Variants in LUZP2 observed in about 807,000 individuals in gnomAD.
LUZP2 encodes the protein leucine zipper protein 2.
Under a neutral mutation model 51.6 loss-of-function variants are expected in LUZP2, and 52 were observed. The observed-to-expected ratio is 1.01, with a 90% CI of 0.81 to 1.27. The LOEUF (loss-of-function observed/expected upper bound fraction) is 1.27. Ranked by LOEUF, LUZP2 falls within the 50% of genes most tolerant of loss-of-function variation. LUZP2 has a pLI of 0.00. For synonymous variants in LUZP2, 154 were observed against 137.3 expected (o/e 1.12, Z -0.85); for missense variants, 436 against 395.4 (o/e 1.10, Z -0.87).
intron 5 of LUZP2, among the ~76,000 whole-genome samples, chr11:24,803,559 C>T (rs768711047): frequency 6.6e-6 from 1 of 151,908 alleles, no homozygotes; most frequent in Non-Finnish European, 1.5e-5. Context: ...TTCACAGCAG[C>T]TAAAATGGGA....
intron 1 of LUZP2, among the ~76,000 whole-genome samples, chr11:24,527,561 T>TCA (rs1292437242): frequency 1.6e-5 from 2 of 122,486 alleles, no homozygotes; most frequent in African/African-American, 6.8e-5. Flanking sequence ...TCTCTCTCTC[T>TCA]CTCTCTCACA....
chr11:25,072,398 A>G (rs961212691), intron 10 of LUZP2, among the ~76,000 whole-genome samples: 4 of 152,118 alleles, frequency 2.6e-5, no homozygotes, highest in African/African-American at 9.7e-5. Context: ...TTGTGGAATG[A>G]ATGATTAAAG....
At chr11:24,675,658 T>C (rs1330010350) in intron 1 of LUZP2, among the ~76,000 whole-genome samples, 1 of 152,040 alleles carries the variant, frequency 6.6e-6, no homozygotes, top group East Asian at 1.9e-4. Context: ...TGAACATCAG[T>C]GGTAACAATA....
chr11:24,504,171 T>A (rs532400447), intron 1 of LUZP2, among the ~76,000 whole-genome samples: 1 of 152,236 alleles, frequency 6.6e-6, no homozygotes, highest in Non-Finnish European at 1.5e-5. Context: ...ATTGAAAGTA[T>A]TTCCTGTAAC....
At chr11:25,049,982 T>G (rs1858440759) in intron 9 of LUZP2, 56 bp from the exon 10 acceptor site, 1 of 992,484 alleles carries the variant, frequency 1.0e-6, no homozygotes, top group Non-Finnish European at 1.5e-6. Context: ...TTGTTCAAAC[T>G]ATTTCTCTTG....
At chr11:24,998,475 C>T (rs975902770) in intron 9 of LUZP2, among the ~76,000 whole-genome samples, 1 of 152,208 alleles carries the variant, frequency 6.6e-6, no homozygotes, top group Admixed American at 6.5e-5. Flanking sequence ...GATTTTGTAT[C>T]CTGAGACTTT....
At chr11:24,554,817 G>C (rs369319220) in intron 1 of LUZP2, among the ~76,000 whole-genome samples, 1 of 149,450 alleles carries the variant, frequency 6.7e-6, no homozygotes, top group Non-Finnish European at 1.5e-5. Flanking sequence ...ATTCAAGTCC[G>C]GTAATGATGG....
chr11:25,004,079 T>G (rs1451882487), intron 9 of LUZP2, among the ~76,000 whole-genome samples: 2 of 152,102 alleles, frequency 1.3e-5, no homozygotes. Flanking sequence ...CCTCAATGGT[T>G]AAACATACCC....
chr11:24,746,346 T>C (rs1859379703), intron 4 of LUZP2, among the ~76,000 whole-genome samples: 1 of 152,178 alleles, frequency 6.6e-6, no homozygotes, highest in South Asian at 2.1e-4. Context: ...TCTTAGCTGG[T>C]AATTGTTTTG....
chr11:24,510,883 C>A lies in LUZP2; in HGVS notation c.62+13578C>A, dbSNP rs567307903. Among the ~76,000 whole-genome samples the A allele has an allele frequency of 6.6e-5, 10 of 152,234 alleles. No homozygotes were observed. In the East Asian group the frequency reaches 9.7e-4, roughly 15 times the overall value. ...GGTAAGTTAGCCATGTCAGTAATGA[C>A]CCCAGCTCCTTCCAGCTTGTTGCTC... On this transcript the variant is annotated intron_variant, in intron 1 of 11. Transcript: ENST00000336930.
chr11:24,870,078 A>G (rs1199717301), intron 5 of LUZP2, among the ~76,000 whole-genome samples: 1 of 152,152 alleles, frequency 6.6e-6, no homozygotes, highest in East Asian at 1.9e-4. Flanking sequence ...CTAACCTGCC[A>G]AAACATTCCC....
In LUZP2 at chr11:24,505,538, A is replaced by C. The variant is rs1041355294; in HGVS notation, c.62+8233A>C. On this transcript the variant is annotated intron_variant, in intron 1 of 11. Coordinates refer to ENST00000336930, the MANE Select transcript of LUZP2 (RefSeq NM_001009909.4). ...ATACAGCTCACTATATCGACAGTCT[A>C]CATTATCTAATTAAAATTTTACCCT... Among the ~76,000 whole-genome samples the C allele has an allele frequency of 6.6e-4, 100 of 152,302 alleles. 2 individuals carry two copies. Among genetic ancestry groups the C allele is most frequent in the African/African-American group, 2.3e-3 (97 of 41,582 alleles).
chr11:24,617,912 A>G (rs1190359141), intron 1 of LUZP2, among the ~76,000 whole-genome samples: 3 of 152,198 alleles, frequency 2.0e-5, no homozygotes, highest in East Asian at 3.9e-4. Flanking sequence ...GTATTATGTT[A>G]TGAAACTCTT....
intron 9 of LUZP2, among the ~76,000 whole-genome samples, chr11:24,990,445 G>T (rs781398253): frequency 2.6e-5 from 4 of 151,944 alleles, no homozygotes; most frequent in African/African-American, 7.2e-5. Context: ...ACATAATCTT[G>T]TCTCACTGAT....
chr11:24,760,222 T>C (rs1223162544), intron 4 of LUZP2, among the ~76,000 whole-genome samples: 1 of 152,170 alleles, frequency 6.6e-6, no homozygotes, highest in Non-Finnish European at 1.5e-5. Context: ...GGGTTTTTAT[T>C]ATGCAGATAA....
intron 9 of LUZP2, among the ~76,000 whole-genome samples, chr11:25,009,621 G>T (rs183970674): frequency 1.3e-5 from 2 of 152,072 alleles, no homozygotes; most frequent in Admixed American, 6.6e-5. Context: ...GATTTGAGAC[G>T]AATATTATTT....
chr11:24,667,926 G>T (rs1188650891), intron 1 of LUZP2, among the ~76,000 whole-genome samples: 1 of 152,160 alleles, frequency 6.6e-6, no homozygotes, highest in Non-Finnish European at 1.5e-5. Flanking sequence ...TAATTCACAT[G>T]ATAGATATTT....
At chr11:24,738,857 A>G (rs535330230) in intron 4 of LUZP2, among the ~76,000 whole-genome samples, 2 of 152,118 alleles carry the variant, frequency 1.3e-5, no homozygotes, top group South Asian at 4.1e-4. Flanking sequence ...AGCTCTTACT[A>G]CGAATATTTA....
intron 1 of LUZP2, among the ~76,000 whole-genome samples, chr11:24,707,952 C>A (rs1344370459): frequency 2.0e-5 from 3 of 152,034 alleles, no homozygotes; most frequent in Non-Finnish European, 4.4e-5. Context: ...AGTGTCATTC[C>A]CCCATTGGCT....
Sources: gnomAD v4.1 joint callset for allele counts (sites outside exome capture counted in the v4.1 genomes callset) on GRCh38, gnomAD v4.1.1 for gene constraint, MANE v1.5 for transcripts, NCBI Gene and HGNC (gene_info 2026-07-23, HGNC 2026-07-21) for gene names.